Variants in ARPP19 observed in about 807,000 individuals in gnomAD.
The protein encoded by ARPP19 is cAMP-regulated phosphoprotein 19.
Under a neutral mutation model 12.0 loss-of-function variants are expected in ARPP19, and 8 were observed. The ratio of observed to expected loss-of-function variants is 0.67; its 90% CI spans 0.39 to 1.21. The LOEUF (loss-of-function observed/expected upper bound fraction) is 1.21. ARPP19 is among the 50% of genes most tolerant of loss of function. ARPP19 has a pLI of 0.01. For missense variants in ARPP19, 102 were observed against 136.3 expected, an observed-to-expected ratio of 0.75 and a Z score of 1.25; for synonymous variants, 47 against 50.4, an observed-to-expected ratio of 0.93 and a Z score of 0.29.
At chr15:52,554,582 G>A (rs1201003943) in intron 2 of ARPP19, among the ~76,000 whole-genome samples, 1 of 151,898 alleles carries the variant, frequency 6.6e-6, no homozygotes, top group Non-Finnish European at 1.5e-5. Context: ...TCTTATAAAA[G>A]CCTCCTCTCA....
chr15:52,555,982 A>G (rs1156786592), intron 2 of ARPP19, among the ~76,000 whole-genome samples: 1 of 152,062 alleles, frequency 6.6e-6, no homozygotes, highest in Non-Finnish European at 1.5e-5. Flanking sequence ...TATTTTAGAC[A>G]TTAACTAACA....
chr15:52,557,131 G>C lies in ARPP19; in HGVS notation c.137C>G (p.Ser46Ter). 6.2e-7 allele frequency: 1 copy of C among 1,612,370 alleles called. No homozygotes were observed. Among genetic ancestry groups the C allele is most frequent in the Non-Finnish European group, 8.5e-7 (1 of 1,179,832 alleles). Residue 46 changes from serine to a stop codon, truncating the protein, a stop_gained, in exon 2 of 3, where the codon TCA becomes TGA. Transcript: ENST00000249822. LOFTEE classifies it high-confidence loss of function. ...YPHLGQKPGG[S>*]DFLRKRLQKG... The stretch of plus-strand genomic sequence containing the variant: ...CTGCAACCGTTTCCTTAAGAAATCT[G>C]AACCTCCAGGCTTTTGTCCCAGATG...
intron 1 of ARPP19, among the ~76,000 whole-genome samples, chr15:52,565,042 T>TC (rs1191138331): frequency 3.3e-5 from 5 of 150,750 alleles, no homozygotes; most frequent in African/African-American, 9.7e-5. Context: ...TACCATCTTT[T>TC]TTTTTTTTTT....
intron 2 of ARPP19, among the ~76,000 whole-genome samples, chr15:52,552,895 G>T (rs2077948615): frequency 6.6e-6 from 1 of 152,084 alleles, no homozygotes; most frequent in African/African-American, 2.4e-5. Context: ...CGGCCAATAT[G>T]GTGAAACCCC....
At chr15:52,563,246 T>C (rs1001560955) in intron 1 of ARPP19, among the ~76,000 whole-genome samples, 2 of 152,184 alleles carry the variant, frequency 1.3e-5, no homozygotes, top group Non-Finnish European at 1.5e-5. Flanking sequence ...GCAATTTTAC[T>C]ACATTTTAAA....
intron 1 of ARPP19, chr15:52,568,551 C>T: frequency 2.7e-6 from 1 of 373,148 alleles, no homozygotes; most frequent in Non-Finnish European, 4.7e-6. Flanking sequence ...AAAACTTAGG[C>T]TCTACGCCCA....
Position 52,550,659 on chromosome 15 carries a change from G to A in ARPP19, c.*1275C>T, listed in dbSNP as rs4776055. ...AAGTTAACAACTGAGAAATTAGAAG[G>A]AAAACGCCATTATTGTGTTATATAA... On this transcript the variant is annotated 3_prime_UTR_variant, in exon 3 of 3. Coordinates refer to ENST00000249822, the MANE Select transcript of ARPP19 (RefSeq NM_006628.6). The A allele has an allele frequency of 0.1, 15,594 of 152,076 alleles. 887 individuals carry two copies. The highest frequency in any genetic ancestry group is 0.16 in the Middle Eastern group (48 of 292). The allele number at this position is 152,076 out of a possible 1,614,324, so 9.4% of individuals were successfully genotyped here.
At chr15:52,567,459 T>A (rs1160349634) in intron 1 of ARPP19, among the ~76,000 whole-genome samples, 1 of 152,198 alleles carries the variant, frequency 6.6e-6, no homozygotes, top group Non-Finnish European at 1.5e-5. Flanking sequence ...TTGATGTAAG[T>A]GTTTAAGGCA....
intron 1 of ARPP19, among the ~76,000 whole-genome samples, chr15:52,563,493 G>A (rs35014728): frequency 0.084 from 12,763 of 152,052 alleles, 1,116 homozygotes; most frequent in East Asian, 0.46. Flanking sequence ...TTATTGTCTC[G>A]GCATGTGCAT....
intron 1 of ARPP19, chr15:52,568,203 C>G (rs994585597): frequency 5.9e-5 from 9 of 152,246 alleles, no homozygotes; most frequent in Non-Finnish European, 2.9e-5. Context: ...TCCACCCTTT[C>G]GATTTTTAGT....
chr15:52,557,019 G>A (rs1008575139), intron 2 of ARPP19, 81 bp downstream of exon 2: 8 of 1,424,580 alleles, frequency 5.6e-6, no homozygotes, highest in African/African-American at 1.4e-5. Context: ...AATGCTATAC[G>A]CACAGATATC....
At chr15:52,568,579 T>G (rs984957666) in intron 1 of ARPP19, 4 of 425,786 alleles carry the variant, frequency 9.4e-6, no homozygotes, top group African/African-American at 2.1e-5. Flanking sequence ...CGTCCTGGGC[T>G]CTCGCGTAAA....
intron 1 of ARPP19, among the ~76,000 whole-genome samples, chr15:52,558,522 T>G (rs1373013558): frequency 6.7e-6 from 1 of 148,890 alleles, no homozygotes; most frequent in Non-Finnish European, 1.5e-5. Context: ...TGTACTGAGA[T>G]AGATAAACCG....
At chr15:52,552,139 C>G in intron 2 of ARPP19, 35 bp from the exon 3 acceptor site, 2 of 1,326,772 alleles carry the variant, frequency 1.5e-6, no homozygotes, top group Non-Finnish European at 2.2e-6. Context: ...CAGATTAGAG[C>G]TTAGCAATTA....
At chr15:52,557,267 AT>A in intron 1 of ARPP19, 45 bp from the exon 2 acceptor site, 1 of 1,445,666 alleles carries the variant, frequency 6.9e-7, no homozygotes, top group African/African-American at 1.4e-5. Flanking sequence ...CAACTCAGTT[AT>A]TTAAAATAAT....
At chr15:52,557,029 C>T in intron 2 of ARPP19, 71 bp downstream of exon 2, 2 of 1,492,176 alleles carry the variant, frequency 1.3e-6, no homozygotes, top group East Asian at 2.3e-5. Context: ...GCACAGATAT[C>T]CGTTTCACAA....
intron 1 of ARPP19, among the ~76,000 whole-genome samples, chr15:52,562,663 C>T (rs972783119): frequency 6.6e-6 from 1 of 151,850 alleles, no homozygotes; most frequent in African/African-American, 2.4e-5. Flanking sequence ...CCTACACATA[C>T]CAAAACTTGT....
chr15:52,552,345 G>T (rs7181784), intron 2 of ARPP19, among the ~76,000 whole-genome samples: 1 of 151,792 alleles, frequency 6.6e-6, no homozygotes, highest in African/African-American at 2.4e-5. Flanking sequence ...CAAGGCAGGC[G>T]AAACACTTAA....
intron 1 of ARPP19, among the ~76,000 whole-genome samples, chr15:52,566,273 C>T (rs530633519): frequency 1.2e-4 from 19 of 152,184 alleles, no homozygotes; most frequent in Non-Finnish European, 2.6e-4. Context: ...ATTCTTATGC[C>T]TCAGTCTCCC....
Sources: allele counts gnomAD v4.1 joint callset (sites outside exome capture counted in the v4.1 genomes callset), GRCh38; gene constraint gnomAD v4.1.1; transcripts MANE v1.5; gene names NCBI Gene and HGNC (gene_info 2026-07-23, HGNC 2026-07-21).